The following TNS3 variants were observed in gnomAD, a reference collection of about 807,000 sequenced individuals.
TNS3 encodes tensin-3.
TNS3 carries 45 observed loss-of-function variants against 140.9 expected under a neutral mutation model. That is an observed-to-expected ratio of 0.32 (90% CI 0.25 to 0.41). The LOEUF is 0.41. TNS3 is among the 10% of genes least tolerant of loss of function. TNS3 has a pLI of 1.00. For missense variants in TNS3, 1,716 were observed against 1,906.7 expected (o/e 0.90, Z 1.86); for synonymous variants, 815 against 788.4 (o/e 1.03, Z -0.56).
At chr7:47,342,735 G>A (rs2150983428) in intron 20 of TNS3, among the ~76,000 whole-genome samples, 1 of 152,322 alleles carries the variant, frequency 6.6e-6, no homozygotes, top group East Asian at 1.9e-4. Context: ...AACAGTAAGA[G>A]TGACCCATAG....
intron 3 of TNS3, among the ~76,000 whole-genome samples, chr7:47,494,367 C>CT (rs112543760): frequency 0.07 from 10,689 of 152,264 alleles, 1,188 homozygotes; most frequent in African/African-American, 0.24. Context: ...ATCGACTCCC[C>CT]TCCAAATGCT....
intron 17 of TNS3, among the ~76,000 whole-genome samples, chr7:47,363,760 G>A (rs182278445): frequency 4.2e-4 from 64 of 152,306 alleles, no homozygotes; most frequent in Non-Finnish European, 7.5e-4. Context: ...GTCAGGCAAT[G>A]CCACACTATC....
At chr7:47,335,000 A>T (rs1039514130) in intron 20 of TNS3, among the ~76,000 whole-genome samples, 2 of 152,246 alleles carry the variant, frequency 1.3e-5, no homozygotes, top group Non-Finnish European at 2.9e-5. Context: ...GCTAAGAAAC[A>T]GAATAATTTA....
chr7:47,305,078 A>G (rs1786667198), intron 20 of TNS3, 75 bp from the exon 21 acceptor site: 2 of 1,190,706 alleles, frequency 1.7e-6, no homozygotes, highest in African/African-American at 3.1e-5. Context: ...CTGCTTTTGC[A>G]TGTTCCACAA....
chr7:47,346,122 G>C lies in TNS3; in HGVS notation c.2451+65C>G, dbSNP rs540368741. 4.0e-5 allele frequency: 64 copies of C among 1,580,780 alleles called. 1 individual carries two copies. The highest frequency in any genetic ancestry group is 2.2e-5 in the Non-Finnish European group (26 of 1,159,192). ...AGGCCTGGTCATTGCCCATTCACTCGGGGTTCCAGGACAAGAAAGGGAGTG... is the reference window on the plus strand; with the variant it reads ...AGGCCTGGTCATTGCCCATTCACTCCGGGTTCCAGGACAAGAAAGGGAGTG... On this transcript the variant is annotated intron_variant, in intron 18 of 30. Coordinates refer to ENST00000311160, the MANE Select transcript of TNS3 (RefSeq NM_022748.12).
At chr7:47,345,832 G>A (rs1051782749) in intron 18 of TNS3, among the ~76,000 whole-genome samples, 2 of 152,196 alleles carry the variant, frequency 1.3e-5, no homozygotes, top group Non-Finnish European at 2.9e-5. Context: ...AGGCCTATAA[G>A]AGCCCTACCT....
At chr7:47,443,236 C>T in intron 4 of TNS3, among the ~76,000 whole-genome samples, 1 of 152,210 alleles carries the variant, frequency 6.6e-6, no homozygotes. Context: ...GGGCCAGTCT[C>T]ATGGAGCTGT....
chr7:47,297,063 T>C lies in TNS3; in HGVS notation c.3676+19A>G, dbSNP rs1003658310. On this transcript the variant is annotated intron_variant, in intron 24 of 30. Transcript: ENST00000311160. Reference sequence around the variant, plus strand: ...TCTGTGGATGAGCTGAACAGATCAATAGGGAGCAGTAACCTTACCTTTCTT... The same window carrying C: ...TCTGTGGATGAGCTGAACAGATCAACAGGGAGCAGTAACCTTACCTTTCTT... The C allele has an allele frequency of 4.3e-6, 7 of 1,613,948 alleles. No individual in the cohort carries two copies. Among genetic ancestry groups the C allele is most frequent in the African/African-American group, 2.7e-5 (2 of 74,948 alleles).
chr7:47,458,188 T>G (rs1458861735), intron 4 of TNS3, among the ~76,000 whole-genome samples: 2 of 152,218 alleles, frequency 1.3e-5, no homozygotes, highest in Non-Finnish European at 2.9e-5. Flanking sequence ...TTCAAGGTCA[T>G]CTGGTTAGTC....
At chr7:47,391,075 C>G (rs778002685) in intron 16 of TNS3, among the ~76,000 whole-genome samples, 2 of 152,220 alleles carry the variant, frequency 1.3e-5, no homozygotes, top group Admixed American at 6.5e-5. Flanking sequence ...CTTACTTCCT[C>G]CTGCACACAC....
In TNS3 at chr7:47,275,507, C is replaced by A. The variant is rs556021079; in HGVS notation, c.*2569G>T. 1.3e-5 allele frequency: 4 copies of A among 309,796 alleles called. No homozygotes were observed. The highest frequency in any genetic ancestry group is 2.5e-5 in the Non-Finnish European group (4 of 158,038). 19.2% of individuals were successfully genotyped at this position (309,796 alleles called of 1,614,324 possible). A position where few individuals can be genotyped will look rare whatever the true frequency, so the allele number is the denominator to read the frequency against. On this transcript the variant is annotated 3_prime_UTR_variant, in exon 31 of 31. Transcript: ENST00000311160. ...GCAGTACGTGCCTGTCCAGCGGGAG[C>A]CCTGGAGACAAAATGCCTGGAAACG...
intron 8 of TNS3, among the ~76,000 whole-genome samples, chr7:47,429,262 TC>T (rs1438592501): frequency 1.3e-5 from 2 of 152,246 alleles, no homozygotes; most frequent in African/African-American, 2.4e-5. Flanking sequence ...ACATGGCCAC[TC>T]CCATCTGTTT....
At chr7:47,567,858 A>G (rs1272790180) in intron 1 of TNS3, among the ~76,000 whole-genome samples, 2 of 152,220 alleles carry the variant, frequency 1.3e-5, no homozygotes, top group East Asian at 1.9e-4. Context: ...TGAGTGGTTG[A>G]GTAAACTGTG....
chr7:47,443,688 G>A (rs541268770), intron 4 of TNS3, among the ~76,000 whole-genome samples: 5 of 152,288 alleles, frequency 3.3e-5, no homozygotes, highest in African/African-American at 9.6e-5. Context: ...TTGAGAGGCC[G>A]AGGCGGGCAG....
intron 17 of TNS3, among the ~76,000 whole-genome samples, chr7:47,354,061 C>A (rs1789843403): frequency 1.3e-5 from 2 of 149,940 alleles, no homozygotes; most frequent in African/African-American, 4.9e-5. Context: ...AAGAACTGGC[C>A]GTAATGCAAT....
At chr7:47,300,522 G>A (rs1018669750) in intron 23 of TNS3, among the ~76,000 whole-genome samples, 1 of 152,180 alleles carries the variant, frequency 6.6e-6, no homozygotes, top group South Asian at 2.1e-4. Flanking sequence ...AAACCCCCGC[G>A]GCAGGCTCGA....
At chr7:47,504,448 A>C (rs1798339857) in intron 3 of TNS3, among the ~76,000 whole-genome samples, 2 of 152,290 alleles carry the variant, frequency 1.3e-5, no homozygotes, top group South Asian at 2.1e-4. Flanking sequence ...ACACAGGCGC[A>C]AGTGCTCCCA....
intron 8 of TNS3, among the ~76,000 whole-genome samples, 193 bp from the exon 9 acceptor site, chr7:47,428,569 G>A (rs375498896): frequency 3.6e-4 from 55 of 152,306 alleles, no homozygotes; most frequent in East Asian, 3.1e-3. Flanking sequence ...CAGGGAACCC[G>A]CACGCTGGGT....
intron 13 of TNS3, 76 bp downstream of exon 13, chr7:47,411,651 C>A: frequency 6.8e-7 from 1 of 1,463,044 alleles, no homozygotes; most frequent in Non-Finnish European, 9.3e-7. Context: ...TGTTTTAACA[C>A]AGAATCATGA....
Sources: allele counts gnomAD v4.1 joint callset (sites outside exome capture counted in the v4.1 genomes callset), GRCh38; gene constraint gnomAD v4.1.1; transcripts MANE v1.5; gene names NCBI Gene and HGNC (gene_info 2026-07-23, HGNC 2026-07-21).